The following CATSPERG variants were observed in gnomAD, a reference collection of about 807,000 sequenced individuals.
CATSPERG encodes catsper channel auxiliary subunit gamma, also known as cation channel sperm-associated auxiliary subunit gamma.
A neutral mutation model predicts 145.0 loss-of-function variants in CATSPERG; 115 were observed. The ratio of observed to expected loss-of-function variants is 0.79; its 90% confidence interval spans 0.68 to 0.93. The LOEUF is 0.93. Among genes scored for constraint, CATSPERG ranks in the 40% least tolerant of loss-of-function variants. The pLI is 0.00. For synonymous variants in CATSPERG, 588 were observed against 589.0 expected, an observed-to-expected ratio of 1.00 and a Z score of 0.02; for missense variants, 1,296 against 1,490.1, an observed-to-expected ratio of 0.87 and a Z score of 2.14.
At chr19:38,353,825 C>A (rs1970194387) in intron 8 of CATSPERG, among the ~76,000 whole-genome samples, 2 of 150,268 alleles carry the variant, frequency 1.3e-5, no homozygotes, top group Non-Finnish European at 3.0e-5. Flanking sequence ...AACCCCGTCT[C>A]TACTAAAAAT....
Position 38,370,825 on chromosome 19 carries a change from C to T in CATSPERG, c.*33C>T. Reference sequence around the variant, plus strand: ...ACCTGCCCCAGCCCCCAGTTACTGTCACGCCTCTCTTATGAGGCCCATCTT... The same window carrying T: ...ACCTGCCCCAGCCCCCAGTTACTGTTACGCCTCTCTTATGAGGCCCATCTT... On this transcript the variant is annotated 3_prime_UTR_variant, in exon 29 of 29. Transcript: ENST00000409235. 6.2e-7 allele frequency: 1 copy of T among 1,605,242 alleles called. No individual in the cohort carries two copies. The highest frequency in any genetic ancestry group is 8.5e-7 in the Non-Finnish European group (1 of 1,173,850).
At chr19:38,361,992 G>GGGGGGGGGT in intron 17 of CATSPERG, 131 bp downstream of exon 17, 3 of 347,384 alleles carry the variant, frequency 8.6e-6, no homozygotes, top group Non-Finnish European at 1.7e-5. Context: ...GTGGGCGGGG[G>GGGGGGGGGT]ACCTGGGGGC....
At chr19:38,369,706 C>G (rs1052096416) in intron 26 of CATSPERG, 18 of 521,482 alleles carry the variant, frequency 3.5e-5, no homozygotes, top group Non-Finnish European at 5.9e-5. Flanking sequence ...GATAGATACA[C>G]AGCCTGTAAT....
At chr19:38,336,524 C>A in intron 1 of CATSPERG, 1 of 273,824 alleles carries the variant, frequency 3.7e-6, no homozygotes, top group Non-Finnish European at 7.2e-6. Flanking sequence ...AGAGCAGGGG[C>A]GGGGCCGGGA....
Position 38,367,312 on chromosome 19 carries a change from AGT to A in CATSPERG, c.2770+7_2770+8del, listed in dbSNP as rs1970468238. The A allele has an allele frequency of 6.2e-7, 1 of 1,610,612 alleles. No homozygotes were observed. ...GATGCCCTGCTTTCTCTTCCGGGAC[AGT>A]GTGTGTCCAGTCCCTTCCCCTGCAC... On this transcript the variant is annotated splice_donor_variant, in intron 23 of 28. Coordinates refer to ENST00000409235, the MANE Select transcript of CATSPERG (RefSeq NM_021185.5). LOFTEE classifies it high-confidence loss of function.
intron 7 of CATSPERG, among the ~76,000 whole-genome samples, chr19:38,351,645 A>G (rs1600459925): frequency 6.6e-6 from 1 of 150,910 alleles, no homozygotes; most frequent in Admixed American, 6.6e-5. Flanking sequence ...GGTGGCAAGC[A>G]CCTGTAGTTC....
chr19:38,364,292 G>A (rs1970408766), intron 20 of CATSPERG, among the ~76,000 whole-genome samples: 1 of 152,074 alleles, frequency 6.6e-6, no homozygotes, highest in Non-Finnish European at 1.5e-5. Flanking sequence ...AGACAGGGCG[G>A]CTGGGCAGAG....
At chr19:38,356,602 A>G in intron 10 of CATSPERG, 59 bp downstream of exon 10, 3 of 1,598,552 alleles carry the variant, frequency 1.9e-6, no homozygotes, top group Non-Finnish European at 2.6e-6. Flanking sequence ...GATGCAGAAG[A>G]GCAGGGGAGG....
At chr19:38,370,437 CTG>C in intron 28 of CATSPERG, 87 bp from the exon 29 acceptor site, 1 of 1,552,604 alleles carries the variant, frequency 6.4e-7, no homozygotes, top group Non-Finnish European at 8.9e-7. Context: ...ATGCCTCCAT[CTG>C]TCAATTTCCC....
At chr19:38,340,612 G>C (rs78906698) in intron 3 of CATSPERG, among the ~76,000 whole-genome samples, 1 of 151,482 alleles carries the variant, frequency 6.6e-6, no homozygotes, top group African/African-American at 2.4e-5. Context: ...GAGCCACCGC[G>C]CCCGGCCAAT....
chr19:38,348,950 A>G (rs1043302440), intron 7 of CATSPERG: 2 of 152,142 alleles, frequency 1.3e-5, no homozygotes, highest in Admixed American at 1.3e-4. Context: ...CACCACCACT[A>G]TCTACTTCCA....
intron 7 of CATSPERG, among the ~76,000 whole-genome samples, chr19:38,347,388 A>G (rs1169628062): frequency 6.8e-6 from 1 of 147,152 alleles, no homozygotes; most frequent in African/African-American, 2.5e-5. Flanking sequence ...AAAGAAAAAC[A>G]AAAAAAAAAA....
At chr19:38,361,584 G>A in intron 16 of CATSPERG, 64 bp from the exon 17 acceptor site, 2 of 1,347,198 alleles carry the variant, frequency 1.5e-6, no homozygotes, top group South Asian at 1.2e-5. Context: ...AAAGAGGCCT[G>A]CGGAAGCTTC....
At position 38,337,504 on chromosome 19, in the gene CATSPERG, G is replaced by A. The variant is rs1300326133; in HGVS notation, c.270G>A (p.Glu90=). 6.4e-7 allele frequency: 1 copy of A among 1,552,086 alleles called. No homozygotes were observed. Among genetic ancestry groups the A allele is most frequent in the Non-Finnish European group, 8.7e-7 (1 of 1,147,082 alleles). The change falls in exon 2 of 29, where the codon GAG becomes GAA. Residue 90 remains glutamate, a splice_region_variant and synonymous_variant. Transcript: ENST00000409235. ...TGGACTCACCCATCGACCCGAGCGAGGTGAGGGGACCAGGGTCAAGTGAAC... is the reference window on the plus strand; with the variant it reads ...TGGACTCACCCATCGACCCGAGCGAAGTGAGGGGACCAGGGTCAAGTGAAC... The part of the protein sequence containing the change: ...MLVDSPIDPS[E]KYLGFPYYLK...
At chr19:38,336,892 T>G (rs1225136006) in intron 1 of CATSPERG, 2 of 419,700 alleles carry the variant, frequency 4.8e-6, no homozygotes, top group Non-Finnish European at 8.9e-6. Flanking sequence ...GAAACATTAG[T>G]AGGGCTGGGG....
intron 13 of CATSPERG, among the ~76,000 whole-genome samples, chr19:38,358,845 T>G (rs1013113434): frequency 9.2e-5 from 14 of 151,790 alleles, no homozygotes; most frequent in South Asian, 2.1e-4. Flanking sequence ...TCTAGGGTTT[T>G]TTTTTGTTTT....
At position 38,360,635 on chromosome 19, in the gene CATSPERG, C is replaced by A; in HGVS notation, c.1755C>A (p.Ser585Arg). ...ETMLTLFYEDSKLYQLVYLMN... is the reference protein window; with the variant it reads ...ETMLTLFYEDRKLYQLVYLMN... ...TGCTGACCCTCTTCTACGAAGACAG[C>A]AAACTGTACCAGGTGCCCGGTGGAG... is the stretch of plus-strand genomic sequence containing the variant. Residue 585 changes from serine (S) to arginine (R), a missense_variant, in exon 15 of 29, where the codon AGC becomes AGA. Physicochemically the swap from Ser to Arg is moderately radical, Grantham distance 110 (BLOSUM62 -1). Transcript: ENST00000409235. 1 of 1,614,234 alleles carries A rather than the reference C, an allele frequency of 6.2e-7. No individual in the cohort carries two copies.
intron 13 of CATSPERG, among the ~76,000 whole-genome samples, chr19:38,358,849 TTG>T (rs1359647342): frequency 6.6e-6 from 1 of 151,570 alleles, no homozygotes; most frequent in Non-Finnish European, 1.5e-5. Context: ...GGGTTTTTTT[TTG>T]TTTTTGTTTT....
chr19:38,367,639 G>C (rs761828679), intron 24 of CATSPERG, 42 bp from the exon 25 acceptor site: 1 of 1,612,174 alleles, frequency 6.2e-7, no homozygotes, highest in Non-Finnish European at 8.5e-7. Flanking sequence ...TGCAGGACTC[G>C]AGACCCGGAG....
Sources: allele counts gnomAD v4.1 joint callset (sites outside exome capture counted in the v4.1 genomes callset), GRCh38; gene constraint gnomAD v4.1.1; transcripts MANE v1.5; gene names NCBI Gene and HGNC (gene_info 2026-07-23, HGNC 2026-07-21).